Variants in CDC20B observed in about 807,000 individuals in gnomAD.
The protein encoded by CDC20B is cell division cycle 20B.
A neutral mutation model predicts 64.1 loss-of-function variants in CDC20B; 58 were observed. The observed-to-expected ratio is 0.90, with a 90% CI of 0.73 to 1.13. CDC20B has a LOEUF of 1.13. Among genes scored for constraint, CDC20B ranks in the 50% most tolerant of loss-of-function variants. The pLI, the probability that CDC20B is intolerant of heterozygous loss-of-function variation, is 0.00. For synonymous variants in CDC20B, 243 were observed against 230.6 expected (o/e 1.05, Z -0.49); for missense variants, 597 against 633.0 (o/e 0.94, Z 0.61).
chr5:55,126,487 A>AAAAAAAAAAAAAAAAAT (rs1742897984), intron 8 of CDC20B: 1 of 272,288 alleles, frequency 3.7e-6, no homozygotes. Flanking sequence ...AAAAAAAAAA[A>AAAAAAAAAAAAAAAAAT]CAGTCTTTGG....
chr5:55,125,029 C>T lies in CDC20B; in HGVS notation c.990-1G>A. Reference sequence around the variant, plus strand: ...ATAAACACGCCCCAGTCTTGACCCACTGCGAGTTTACATAACAAAAAAATT... The same window carrying T: ...ATAAACACGCCCCAGTCTTGACCCATTGCGAGTTTACATAACAAAAAAATT... On this transcript the variant is annotated splice_acceptor_variant, in intron 8 of 11. Coordinates refer to ENST00000381375, the MANE Select transcript of CDC20B (RefSeq NM_001170402.1). LOFTEE classifies it high-confidence loss of function. The T allele has an allele frequency of 6.2e-7, 1 of 1,605,498 alleles. No homozygotes were observed. Among genetic ancestry groups the T allele is most frequent in the Non-Finnish European group, 8.5e-7 (1 of 1,172,754 alleles).
Position 55,120,539 on chromosome 5 carries a change from C to T in CDC20B, c.1227G>A (p.Trp409Ter). ...CAAGGACCCCAGACTGCCAGGGACA[C>T]CAATCCATGGCCTTTAAAGTTTCAC... is the stretch of plus-strand genomic sequence containing the variant. ...TQSTAVKAMD[W>*]CPWQSGVLAI... Residue 409 changes from tryptophan to a stop codon, truncating the protein, a stop_gained, in exon 10 of 12, where the codon TGG becomes TGA. Transcript: ENST00000381375. LOFTEE classifies it high-confidence loss of function. 6.2e-7 allele frequency: 1 copy of T among 1,613,544 alleles called. No individual in the cohort carries two copies. The highest frequency in any genetic ancestry group is 8.5e-7 in the Non-Finnish European group (1 of 1,179,618).
At chr5:55,136,776 A>C (rs2111853454) in intron 5 of CDC20B, 1 of 152,308 alleles carries the variant, frequency 6.6e-6, no homozygotes, top group South Asian at 2.1e-4. Context: ...ATTCTCACAC[A>C]GAATTCTGGC....
chr5:55,172,885 C>T (rs1246108070), intron 1 of CDC20B, 53 bp downstream of exon 1: 1 of 1,509,226 alleles, frequency 6.6e-7, no homozygotes, highest in Admixed American at 2.2e-5. Flanking sequence ...TGAACGGGGC[C>T]TTCGGCCCCG....
At chr5:55,162,960 C>T (rs372340296) in intron 2 of CDC20B, among the ~76,000 whole-genome samples, 3 of 152,234 alleles carry the variant, frequency 2.0e-5, no homozygotes, top group African/African-American at 7.2e-5. Flanking sequence ...TCATTAGCCA[C>T]GTGACCTTGT....
At chr5:55,135,227 G>A (rs1232976810) in intron 5 of CDC20B, among the ~76,000 whole-genome samples, 2 of 151,880 alleles carry the variant, frequency 1.3e-5, no homozygotes, top group Non-Finnish European at 2.9e-5. Flanking sequence ...ATGTGTGTGT[G>A]TGTGTCTATA....
chr5:55,149,135 A>G (rs1561297391), intron 2 of CDC20B, among the ~76,000 whole-genome samples: 1 of 152,242 alleles, frequency 6.6e-6, no homozygotes, highest in Non-Finnish European at 1.5e-5. Context: ...AATGACATAC[A>G]TTAGGGAAAT....
At chr5:55,124,135 A>T (rs547016917) in intron 9 of CDC20B, among the ~76,000 whole-genome samples, 1 of 152,358 alleles carries the variant, frequency 6.6e-6, no homozygotes, top group African/African-American at 2.4e-5. Context: ...ATAAATAATT[A>T]TGCAGAACAT....
intron 4 of CDC20B, 55 bp from the exon 5 acceptor site, chr5:55,140,462 T>C (rs1743300644): frequency 2.6e-6 from 3 of 1,162,822 alleles, no homozygotes; most frequent in Admixed American, 1.9e-5. Context: ...CATGTACAAC[T>C]AAAATGTAAT....
intron 2 of CDC20B, among the ~76,000 whole-genome samples, chr5:55,148,215 A>G (rs1489605391): frequency 6.6e-6 from 1 of 152,222 alleles, no homozygotes; most frequent in Non-Finnish European, 1.5e-5. Flanking sequence ...AATCAAAGAA[A>G]TGCAAATTTA....
rs754103375 is a variant in CDC20B at position 55,160,402 on chromosome 5, T to C, written c.126+12186A>G. On this transcript the variant is annotated intron_variant, in intron 2 of 11. Transcript: ENST00000381375. ...TGGAAAAGTATAAAGGCAAAGTAAG[T>C]TGCATCATCTGATTTTTATTGTTAT... The C allele has an allele frequency of 7.5e-6, 12 of 1,600,506 alleles. No homozygotes were observed. The East Asian group carries it at 1.8e-4, about 24-fold the overall frequency.
chr5:55,113,987 G>C lies in CDC20B; in HGVS notation c.*231C>G, dbSNP rs1170889182. 1.7e-6 allele frequency: 1 copy of C among 588,390 alleles called. No individual in the cohort carries two copies. The highest frequency in any genetic ancestry group is 3.6e-5 in the East Asian group (1 of 28,062). The allele number at this position is 588,390 out of a possible 1,614,324, so 36.4% of individuals were successfully genotyped here. Reference sequence around the variant, plus strand: ...AGGGGTAAGAATGGGAGGAAGAAGAGGAGGGGGAGGAAGAGGGGCAGAAAG... The same window carrying C: ...AGGGGTAAGAATGGGAGGAAGAAGACGAGGGGGAGGAAGAGGGGCAGAAAG... On this transcript the variant is annotated 3_prime_UTR_variant, in exon 12 of 12. Transcript: ENST00000381375.
chr5:55,147,456 T>C (rs1305214876), intron 2 of CDC20B, among the ~76,000 whole-genome samples: 2 of 146,634 alleles, frequency 1.4e-5, no homozygotes, highest in East Asian at 3.9e-4. Context: ...ACAAAAGTTA[T>C]ATTTTATGTT....
rs377539070 is a variant in CDC20B, at chr5:55,114,036, C to A, written c.*182G>T. 1.8e-5 allele frequency: 19 copies of A among 1,076,836 alleles called. No individual in the cohort carries two copies. Among genetic ancestry groups the A allele is most frequent in the Non-Finnish European group, 2.3e-5 (18 of 790,344 alleles). The allele number at this position is 1,076,836 out of a possible 1,614,324, so 66.7% of individuals were successfully genotyped here. On this transcript the variant is annotated 3_prime_UTR_variant, in exon 12 of 12. Transcript: ENST00000381375. The surrounding 1 kb of genome is among the most constrained non-coding windows in gnomAD (Gnocchi z 4.1). ...AGAAGAAAGCAGAGAAGAAAAGAAG[C>A]GGATCTCTGGGAAGCAGAGCAAGTA...
chr5:55,150,590 G>T (rs1445840661), intron 2 of CDC20B, among the ~76,000 whole-genome samples: 2 of 152,174 alleles, frequency 1.3e-5, no homozygotes, highest in Non-Finnish European at 2.9e-5. Context: ...CTGTCTTGTA[G>T]TTCTTGGTTT....
chr5:55,139,069 A>C (rs1743260506), intron 5 of CDC20B, among the ~76,000 whole-genome samples: 1 of 151,586 alleles, frequency 6.6e-6, no homozygotes, highest in African/African-American at 2.4e-5. Flanking sequence ...TTTTTTTTTA[A>C]TGCCAAGCTT....
intron 3 of CDC20B, among the ~76,000 whole-genome samples, chr5:55,145,019 A>C (rs955521926): frequency 1.3e-5 from 2 of 152,222 alleles, no homozygotes; most frequent in African/African-American, 4.8e-5. Context: ...CTTTTTGTTA[A>C]TATCTGATTT....
rs144188909 is a variant in CDC20B, at chr5:55,116,175, C to T, written c.1460-1857G>A. Among the ~76,000 whole-genome samples, 760 of 152,220 alleles carry T rather than the reference C, an allele frequency of 5.0e-3. 9 individuals carry two copies. Among genetic ancestry groups the T allele is most frequent in the African/African-American group, 0.017 (725 of 41,554 alleles). ...AGAATCTCTTTTTTTTATGGAAGACCACTGTCTATTATTTAAAAAATAATA... is the reference window on the plus strand; with the variant it reads ...AGAATCTCTTTTTTTTATGGAAGACTACTGTCTATTATTTAAAAAATAATA... On this transcript the variant is annotated intron_variant, in intron 11 of 11. Transcript: ENST00000381375.
At chr5:55,117,802 C>A (rs1742658084) in intron 11 of CDC20B, among the ~76,000 whole-genome samples, 1 of 152,088 alleles carries the variant, frequency 6.6e-6, no homozygotes, top group Non-Finnish European at 1.5e-5. Context: ...TCTATCCAAG[C>A]CTTTGGAAGG....
Sources: allele counts gnomAD v4.1 joint callset (sites outside exome capture counted in the v4.1 genomes callset), GRCh38; gene constraint gnomAD v4.1.1; non-coding constraint Gnocchi (gnomAD v3.1); transcripts MANE v1.5; gene names NCBI Gene and HGNC (gene_info 2026-07-23, HGNC 2026-07-21).